KCNS3: variants seen among roughly 807,000 people sequenced by gnomAD.
The protein encoded by KCNS3 is delayed-rectifier potassium channel regulatory subunit KCNS3.
KCNS3 carries 13 observed loss-of-function variants against 31.0 expected under a neutral mutation model. The ratio of observed to expected loss-of-function variants is 0.42; its 90% confidence interval spans 0.27 to 0.67. The LOEUF (loss-of-function observed/expected upper bound fraction) is 0.67. Among genes scored for constraint, KCNS3 ranks in the 30% least tolerant of loss-of-function variants. The probability of loss-of-function intolerance (pLI) is 0.25; values close to 1 mark genes in which losing one functional copy is unlikely to be tolerated. For synonymous variants in KCNS3, 238 were observed against 241.5 expected (o/e 0.99, Z 0.13); for missense variants, 545 against 622.4 (o/e 0.88, Z 1.32).
intron 2 of KCNS3, chr2:17,919,315 T>C (rs1449871460): frequency 6.6e-6 from 1 of 152,230 alleles, no homozygotes; most frequent in Non-Finnish European, 1.5e-5. Context: ...GAAATACCAT[T>C]ATATCAGTCT....
At chr2:17,907,495 A>T (rs541396045) in intron 1 of KCNS3, among the ~76,000 whole-genome samples, 104 of 151,814 alleles carry the variant, frequency 6.9e-4, no homozygotes, top group Middle Eastern at 3.4e-3. Context: ...AATTTGATCC[A>T]CTCCTTATGA....
chr2:17,889,225 G>A (rs559578615), intron 1 of KCNS3, among the ~76,000 whole-genome samples: 37 of 152,086 alleles, frequency 2.4e-4, no homozygotes, highest in African/African-American at 6.0e-4. Context: ...TTGATTCTCC[G>A]CTTGGTCGCT....
intron 1 of KCNS3, among the ~76,000 whole-genome samples, chr2:17,891,351 T>C (rs762879653): frequency 2.0e-5 from 3 of 152,216 alleles, no homozygotes; most frequent in South Asian, 2.1e-4. Context: ...TGAATTCTTA[T>C]TCAGTTTGCA....
At chr2:17,887,351 G>A (rs1661688542) in intron 1 of KCNS3, among the ~76,000 whole-genome samples, 1 of 151,970 alleles carries the variant, frequency 6.6e-6, no homozygotes, top group South Asian at 2.1e-4. Flanking sequence ...CCACATATCA[G>A]TGAGAACATA....
chr2:17,882,050 G>A (rs56171351), intron 1 of KCNS3, among the ~76,000 whole-genome samples: 17,215 of 152,038 alleles, frequency 0.11, 1,479 homozygotes, highest in East Asian at 0.38. Flanking sequence ...TTTGTACTCC[G>A]ACGCAAATTT....
At chr2:17,930,917 C>T in intron 2 of KCNS3, 33 bp from the exon 3 acceptor site, 1 of 1,441,498 alleles carries the variant, frequency 6.9e-7, no homozygotes, top group Non-Finnish European at 9.4e-7. Context: ...CACGGCAGGA[C>T]AGAGTGCTAA....
chr2:17,883,453 T>C (rs1674689166), intron 1 of KCNS3, among the ~76,000 whole-genome samples: 1 of 151,918 alleles, frequency 6.6e-6, no homozygotes, highest in African/African-American at 2.4e-5. Flanking sequence ...AACAAACCAA[T>C]GCAAAATTTA....
intron 2 of KCNS3, among the ~76,000 whole-genome samples, chr2:17,926,022 C>A (rs1662830130): frequency 6.6e-6 from 1 of 152,232 alleles, no homozygotes; most frequent in African/African-American, 2.4e-5. Flanking sequence ...TGGATAAATG[C>A]TTCCATTCCA....
At chr2:17,884,932 G>GTTTTT (rs55738585) in intron 1 of KCNS3, among the ~76,000 whole-genome samples, 14 of 127,988 alleles carry the variant, frequency 1.1e-4, no homozygotes, top group East Asian at 4.5e-4. Flanking sequence ...CTTCCCTGTT[G>GTTTTT]TTTTTTTTTT....
intron 1 of KCNS3, among the ~76,000 whole-genome samples, chr2:17,889,545 T>A (rs1041333804): frequency 1.3e-5 from 2 of 152,122 alleles, no homozygotes; most frequent in Non-Finnish European, 2.9e-5. Context: ...CCCCATTCAG[T>A]ATTATGTTGG....
At chr2:17,894,270 G>T (rs1461952) in intron 1 of KCNS3, among the ~76,000 whole-genome samples, 2 of 151,892 alleles carry the variant, frequency 1.3e-5, no homozygotes, top group East Asian at 3.9e-4. Context: ...TACCAGGACC[G>T]GAGCACTATA....
intron 2 of KCNS3, among the ~76,000 whole-genome samples, chr2:17,929,100 G>A (rs930317529): frequency 6.6e-6 from 1 of 152,132 alleles, no homozygotes; most frequent in Non-Finnish European, 1.5e-5. Flanking sequence ...ACCCTTTAGT[G>A]GTCTTGCTGA....
intron 1 of KCNS3, among the ~76,000 whole-genome samples, chr2:17,887,186 G>A (rs1558446220): frequency 6.6e-6 from 1 of 151,912 alleles, no homozygotes; most frequent in Non-Finnish European, 1.5e-5. Context: ...TTCTTTAGTG[G>A]TGATTCGTGA....
chr2:17,903,143 A>C (rs1322978113), intron 1 of KCNS3, among the ~76,000 whole-genome samples: 1 of 152,172 alleles, frequency 6.6e-6, no homozygotes, highest in Admixed American at 6.5e-5. Context: ...TTTCATACAG[A>C]ATGGAAGCAG....
intron 1 of KCNS3, among the ~76,000 whole-genome samples, chr2:17,911,734 T>C (rs1432858552): frequency 6.6e-6 from 1 of 152,252 alleles, no homozygotes; most frequent in African/African-American, 2.4e-5. Flanking sequence ...TGTGACTTTT[T>C]AATGGTTTTA....
At chr2:17,928,873 C>G (rs1197392945) in intron 2 of KCNS3, among the ~76,000 whole-genome samples, 1 of 152,082 alleles carries the variant, frequency 6.6e-6, no homozygotes, top group Non-Finnish European at 1.5e-5. Flanking sequence ...TTACCAAATC[C>G]TGTAGATTCT....
At chr2:17,913,583 A>G (rs866795387) in intron 1 of KCNS3, among the ~76,000 whole-genome samples, 1 of 152,252 alleles carries the variant, frequency 6.6e-6, no homozygotes, top group Non-Finnish European at 1.5e-5. Flanking sequence ...TTTTGGTTGT[A>G]TGACACTGTA....
chr2:17,904,240 G>A (rs1662258949), intron 1 of KCNS3, among the ~76,000 whole-genome samples: 1 of 152,156 alleles, frequency 6.6e-6, no homozygotes, highest in Non-Finnish European at 1.5e-5. Context: ...TGTGTCTTTT[G>A]GCTGCATAAA....
At chr2:17,901,624 G>C (rs946882373) in intron 1 of KCNS3, among the ~76,000 whole-genome samples, 1 of 152,146 alleles carries the variant, frequency 6.6e-6, no homozygotes, top group Non-Finnish European at 1.5e-5. Context: ...TCCACTGTCA[G>C]ATGACATTGG....
Sources: allele counts gnomAD v4.1 joint callset (sites outside exome capture counted in the v4.1 genomes callset), GRCh38; gene constraint gnomAD v4.1.1; transcripts MANE v1.5; gene names NCBI Gene and HGNC (gene_info 2026-07-23, HGNC 2026-07-21).